The following RAB3GAP1 variants were observed in gnomAD, a reference collection of about 807,000 sequenced individuals.
RAB3GAP1 encodes RAB3 GTPase activating protein catalytic subunit 1.
Under a neutral mutation model 130.7 loss-of-function variants are expected in RAB3GAP1, and 86 were observed. The ratio of observed to expected loss-of-function variants is 0.66; its 90% CI spans 0.55 to 0.79. The LOEUF (loss-of-function observed/expected upper bound fraction) is 0.79. Among genes scored for constraint, RAB3GAP1 ranks in the 30% least tolerant of loss-of-function variants. RAB3GAP1 has a pLI of 0.00. For synonymous variants in RAB3GAP1, 367 were observed against 401.7 expected (o/e 0.91, Z 1.03); for missense variants, 1,029 against 1,169.4 (o/e 0.88, Z 1.75).
intron 17 of RAB3GAP1, among the ~76,000 whole-genome samples, chr2:135,144,001 G>A (rs548072427): frequency 1.3e-5 from 2 of 152,194 alleles, no homozygotes; most frequent in South Asian, 2.1e-4. Flanking sequence ...CACTTTGCCC[G>A]CTGGGGCCCT....
At chr2:135,133,467 G>A (rs531742023) in intron 14 of RAB3GAP1, among the ~76,000 whole-genome samples, 2 of 152,236 alleles carry the variant, frequency 1.3e-5, no homozygotes, top group East Asian at 1.9e-4. Context: ...TAGATTTGAT[G>A]AGGTGAGAGA....
At chr2:135,057,448 C>A (rs1434906974) in intron 2 of RAB3GAP1, among the ~76,000 whole-genome samples, 1 of 152,192 alleles carries the variant, frequency 6.6e-6, no homozygotes, top group African/African-American at 2.4e-5. Context: ...GTCGCCCAGG[C>A]TGGCGTGCAG....
At chr2:135,090,273 G>A (rs1690107117) in intron 3 of RAB3GAP1, among the ~76,000 whole-genome samples, 1 of 152,100 alleles carries the variant, frequency 6.6e-6, no homozygotes, top group African/African-American at 2.4e-5. Context: ...ACTAGGTATA[G>A]CCATGAAAAC....
Position 135,143,143 on chromosome 2 carries a change from A to AT in RAB3GAP1, c.1923+7217dup, listed in dbSNP as rs1203057328. Among the ~76,000 whole-genome samples, 5 of 151,940 alleles carry AT rather than the reference A, an allele frequency of 3.3e-5. No homozygotes were observed. In the East Asian group the frequency reaches 9.6e-4, roughly 29 times the overall value. ...CTTTAATAGATAAAAAACTATTCTT[A>AT]TTTTTTATTTCTTGTATCAACTTTG... On this transcript the variant is annotated intron_variant, in intron 17 of 23. Coordinates refer to ENST00000264158, the MANE Select transcript of RAB3GAP1 (RefSeq NM_012233.3).
chr2:135,124,334 A>C, intron 9 of RAB3GAP1, 88 bp downstream of exon 9: 1 of 1,304,254 alleles, frequency 7.7e-7, no homozygotes, highest in African/African-American at 1.5e-5. Flanking sequence ...TTATGATGCT[A>C]TAGCTTGCTG....
At chr2:135,053,538 T>A (rs555586134) in intron 2 of RAB3GAP1, among the ~76,000 whole-genome samples, 5 of 152,206 alleles carry the variant, frequency 3.3e-5, no homozygotes, top group Non-Finnish European at 7.3e-5. Flanking sequence ...GTTACAGCAT[T>A]TTATAATCTT....
rs1033980757 is a variant in RAB3GAP1 at position 135,162,334 on chromosome 2, A to G, written c.2290-221A>G. 3 of 537,298 alleles carry G rather than the reference A, an allele frequency of 5.6e-6. No individual in the cohort carries two copies. In the African/African-American group the frequency reaches 5.7e-5, roughly 10 times the overall value. The allele number at this position is 537,298 out of a possible 1,614,324, so 33.3% of individuals were successfully genotyped here. A position where few individuals can be genotyped will look rare whatever the true frequency, so the allele number is the denominator to read the frequency against. On this transcript the variant is annotated intron_variant, in intron 19 of 23. Coordinates refer to ENST00000264158, the MANE Select transcript of RAB3GAP1 (RefSeq NM_012233.3). ...TATTTTCCTTATTTGTGTGTATTAC[A>G]TAAGAAAGCAGAAAAAAATAGAATA...
rs760776814 is a variant in RAB3GAP1, at chr2:135,115,286, G to A, written c.553G>A (p.Gly185Ser). ...RMYVGECQGP[G>S]VRTDFEMVHL... ...GTATGTAGGAGAATGTCAAGGTCCT[G>A]GTGTACGAACTGATTTCGAAATGGT... The change falls in exon 7 of 24, where the codon GGT (glycine) becomes AGT (serine). Residue 185 changes from glycine to serine, a missense_variant. Gly to Ser is a moderately conservative substitution (Grantham distance 56). Around this residue, in one of 3 missense-constraint regions of RAB3GAP1, gnomAD observed 510 missense variants for 532.1 expected, o/e 0.96. Coordinates refer to ENST00000264158, the MANE Select transcript of RAB3GAP1 (RefSeq NM_012233.3). 4.3e-6 allele frequency: 7 copies of A among 1,613,110 alleles called. No individual in the cohort carries two copies. The South Asian group carries it at 7.7e-5, about 18-fold the overall frequency.
intron 7 of RAB3GAP1, among the ~76,000 whole-genome samples, chr2:135,119,753 G>T (rs1691141091): frequency 6.6e-6 from 1 of 152,228 alleles, no homozygotes; most frequent in African/African-American, 2.4e-5. Context: ...GCTACTCAAA[G>T]TGTAGTCTCC....
chr2:135,113,382 A>T, intron 6 of RAB3GAP1, 112 bp downstream of exon 6: 2 of 1,384,490 alleles, frequency 1.4e-6, no homozygotes, highest in Non-Finnish European at 2.0e-6. Flanking sequence ...AACTTAGTGC[A>T]TATATATTGT....
At position 135,112,834 on chromosome 2, in the gene RAB3GAP1, TCACACACA is replaced by T. The variant is rs200860381; in HGVS notation, c.363-290_363-283del. 0.036 allele frequency among the ~76,000 whole-genome samples: 4,820 copies of T among 132,400 alleles called. 90 individuals are homozygous for T. The highest frequency in any genetic ancestry group is 0.047 in the Admixed American group (636 of 13,668). 86.9% of individuals were successfully genotyped at this position (132,400 alleles called of 152,430 possible). Reference sequence around the variant, plus strand: ...GTCAAAGTCTCTCTCTCTCTCTCTCTCACACACACACACACACACACACACACACACAC... The same window carrying T: ...GTCAAAGTCTCTCTCTCTCTCTCTCTCACACACACACACACACACACACAC... On this transcript the variant is annotated intron_variant, in intron 5 of 23. Transcript: ENST00000264158.
chr2:135,102,871 C>T (rs1574109720), intron 5 of RAB3GAP1, among the ~76,000 whole-genome samples: 1 of 151,466 alleles, frequency 6.6e-6, no homozygotes, highest in Non-Finnish European at 1.5e-5. Flanking sequence ...AAAAATTAGC[C>T]GGGCGTGGTG....
chr2:135,093,358 G>C (rs1175173781), intron 4 of RAB3GAP1, among the ~76,000 whole-genome samples: 2 of 152,096 alleles, frequency 1.3e-5, no homozygotes, highest in African/African-American at 2.4e-5. Flanking sequence ...GGAATTGTGT[G>C]AGTTGTGACT....
chr2:135,168,889 T>C lies in RAB3GAP1; in HGVS notation c.*108T>C, dbSNP rs1458971741. 3 of 945,218 alleles carry C rather than the reference T, an allele frequency of 3.2e-6. No individual in the cohort carries two copies. The East Asian group carries it at 7.2e-5, about 23-fold the overall frequency. 58.6% of individuals were successfully genotyped at this position (945,218 alleles called of 1,614,324 possible). Reference sequence around the variant, plus strand: ...AGGTCCTGGAGAGGGCCCTGTCCAGTTGGGTGATCAGGAATCAAACCAGCA... The same window carrying C: ...AGGTCCTGGAGAGGGCCCTGTCCAGCTGGGTGATCAGGAATCAAACCAGCA... On this transcript the variant is annotated 3_prime_UTR_variant, in exon 24 of 24. Coordinates refer to ENST00000264158, the MANE Select transcript of RAB3GAP1 (RefSeq NM_012233.3).
intron 18 of RAB3GAP1, among the ~76,000 whole-genome samples, chr2:135,153,301 C>T (rs1692223767): frequency 6.6e-6 from 1 of 151,906 alleles, no homozygotes; most frequent in African/African-American, 2.4e-5. Context: ...ATGATTTTCT[C>T]TTTACATCGA....
chr2:135,071,625 G>C (rs1165618492), intron 3 of RAB3GAP1, among the ~76,000 whole-genome samples: 1 of 152,188 alleles, frequency 6.6e-6, no homozygotes, highest in African/African-American at 2.4e-5. Context: ...GGGGCTGTCT[G>C]CAAAGAGGAA....
chr2:135,142,959 G>T (rs1302143061), intron 17 of RAB3GAP1, among the ~76,000 whole-genome samples: 2 of 151,444 alleles, frequency 1.3e-5, no homozygotes, highest in East Asian at 3.9e-4. Context: ...CCTTGTCAGG[G>T]AAGTGTCCCC....
At chr2:135,081,356 A>ATG in intron 3 of RAB3GAP1, among the ~76,000 whole-genome samples, 1 of 88,412 alleles carries the variant, frequency 1.1e-5, no homozygotes. Flanking sequence ...ATATATATAT[A>ATG]TATATACACA....
chr2:135,080,136 AAATG>A (rs1305560415), intron 3 of RAB3GAP1, among the ~76,000 whole-genome samples: 1 of 151,810 alleles, frequency 6.6e-6, no homozygotes, highest in African/African-American at 2.4e-5. Flanking sequence ...AAAAAAAAAA[AAATG>A]AGGTTAATAC....
Sources: gnomAD v4.1 joint callset for allele counts (sites outside exome capture counted in the v4.1 genomes callset) on GRCh38, gnomAD v4.1.1 for gene constraint, gnomAD v4.1.1 regional missense constraint, MANE v1.5 for transcripts, NCBI Gene and HGNC (gene_info 2026-07-23, HGNC 2026-07-21) for gene names.